FGF7: variants seen among roughly 807,000 people sequenced by gnomAD.
FGF7 encodes fibroblast growth factor 7, also known as FGF-7.
FGF7 carries 6 observed loss-of-function variants against 20.5 expected under a neutral mutation model. The observed-to-expected ratio is 0.29, with a 90% CI of 0.16 to 0.58. The LOEUF (loss-of-function observed/expected upper bound fraction) is 0.58. Ranked by LOEUF, FGF7 falls within the 20% of genes least tolerant of loss-of-function variation. The pLI, the probability that FGF7 is intolerant of heterozygous loss-of-function variation, is 0.90. For missense variants in FGF7, 144 were observed against 228.8 expected, an observed-to-expected ratio of 0.63 and a Z score of 2.39; for synonymous variants, 64 against 74.7, an observed-to-expected ratio of 0.86 and a Z score of 0.74.
intron 2 of FGF7, among the ~76,000 whole-genome samples, chr15:49,463,454 C>T (rs2053983250): frequency 6.6e-6 from 1 of 150,542 alleles, no homozygotes; most frequent in Non-Finnish European, 1.5e-5. Flanking sequence ...CTTGGGAGGC[C>T]GCAGGAGAAT....
intron 2 of FGF7, among the ~76,000 whole-genome samples, chr15:49,467,055 C>G (rs1597382479): frequency 6.6e-6 from 1 of 152,000 alleles, no homozygotes; most frequent in Non-Finnish European, 1.5e-5. Context: ...GCCTGGGTAG[C>G]AGAACATTTA....
At position 49,471,484 on chromosome 15, in the gene FGF7, AAATAATAATAATAAT is replaced by A. The variant is rs201297260; in HGVS notation, c.287-11632_287-11618del. ...AGCTACAGAGTGAGACTCTATCTCAAAATAATAATAATAATAATAATAATAATAATAATAATAATA... is the reference window on the plus strand; with the variant it reads ...AGCTACAGAGTGAGACTCTATCTCAAAATAATAATAATAATAATAATAATA... On this transcript the variant is annotated intron_variant, in intron 2 of 3. Coordinates refer to ENST00000267843, the MANE Select transcript of FGF7 (RefSeq NM_002009.4). Among the ~76,000 whole-genome samples, 413 of 137,850 alleles carry A rather than the reference AAATAATAATAATAAT, an allele frequency of 3.0e-3. 5 individuals are homozygous for A. In the South Asian group the frequency reaches 0.032, roughly 11 times the overall value. 90.4% of individuals were successfully genotyped at this position (137,850 alleles called of 152,430 possible). A position where few individuals can be genotyped will look rare whatever the true frequency, so the allele number is the denominator to read the frequency against.
chr15:49,445,502 C>A (rs760315825), intron 2 of FGF7, among the ~76,000 whole-genome samples: 3 of 151,506 alleles, frequency 2.0e-5, no homozygotes, highest in Non-Finnish European at 3.0e-5. Context: ...AACAAACAGA[C>A]CTTTTGCTTA....
intron 2 of FGF7, among the ~76,000 whole-genome samples, chr15:49,463,740 T>C (rs1343234901): frequency 6.6e-6 from 1 of 152,176 alleles, no homozygotes; most frequent in East Asian, 1.9e-4. Context: ...CTGTCTGATT[T>C]TCTGTTTCAC....
At chr15:49,439,435 G>T (rs1026087504) in intron 2 of FGF7, among the ~76,000 whole-genome samples, 6 of 151,762 alleles carry the variant, frequency 4.0e-5, no homozygotes, top group African/African-American at 1.2e-4. Context: ...AACGTGGGGG[G>T]AGGGAACTAC....
intron 2 of FGF7, among the ~76,000 whole-genome samples, chr15:49,456,706 G>A (rs2053325834): frequency 6.6e-6 from 1 of 151,914 alleles, no homozygotes; most frequent in South Asian, 2.1e-4. Context: ...GTGAATTTCT[G>A]AAAAGAAAAA....
Position 49,424,596 on chromosome 15 carries a change from A to G in FGF7, c.286+13A>G, listed in dbSNP as rs750784831. On this transcript the variant is annotated intron_variant, in intron 2 of 3. Coordinates refer to ENST00000267843, the MANE Select transcript of FGF7 (RefSeq NM_002009.4). ...AAGAATAATTACAGTAAGTAATTTT[A>G]AGTACTGCTCATGAACCTTAGCAAT... is the stretch of plus-strand genomic sequence containing the variant. 3 of 1,550,172 alleles carry G rather than the reference A, an allele frequency of 1.9e-6. No individual in the cohort carries two copies. The highest frequency in any genetic ancestry group is 2.6e-6 in the Non-Finnish European group (3 of 1,145,670).
intron 2 of FGF7, among the ~76,000 whole-genome samples, chr15:49,475,728 T>C (rs57186766): frequency 0.34 from 51,021 of 152,064 alleles, 9,536 homozygotes; most frequent in African/African-American, 0.49. Flanking sequence ...TGGCTTATAC[T>C]TGTAATCCCA....
intron 2 of FGF7, among the ~76,000 whole-genome samples, chr15:49,427,821 C>T (rs1006667562): frequency 4.0e-5 from 6 of 151,680 alleles, no homozygotes; most frequent in South Asian, 2.1e-4. Context: ...GTTTTGGGCT[C>T]GGGTAGATGG....
At chr15:49,465,642 C>T (rs1405770326) in intron 2 of FGF7, among the ~76,000 whole-genome samples, 1 of 151,978 alleles carries the variant, frequency 6.6e-6, no homozygotes, top group African/African-American at 2.4e-5. Flanking sequence ...GGGGTTCTCT[C>T]AACTTTTTTG....
intron 2 of FGF7, among the ~76,000 whole-genome samples, chr15:49,468,434 A>AT (rs1162759196): frequency 2.4e-4 from 37 of 152,034 alleles, no homozygotes; most frequent in Admixed American, 2.4e-3. Context: ...TAGTTTTCTA[A>AT]TTTCTTTTAG....
chr15:49,468,834 C>T (rs2054488517), intron 2 of FGF7, among the ~76,000 whole-genome samples: 1 of 152,096 alleles, frequency 6.6e-6, no homozygotes, highest in Admixed American at 6.5e-5. Flanking sequence ...GGTTTGTCTT[C>T]CGTGTTAAGC....
intron 2 of FGF7, among the ~76,000 whole-genome samples, chr15:49,445,614 T>C (rs1266355022): frequency 6.6e-6 from 1 of 151,570 alleles, no homozygotes; most frequent in Non-Finnish European, 1.5e-5. Context: ...ACACTGTATA[T>C]ATGAAAACAT....
At chr15:49,434,838 T>TA (rs1413153726) in intron 2 of FGF7, among the ~76,000 whole-genome samples, 1 of 151,110 alleles carries the variant, frequency 6.6e-6, no homozygotes, top group African/African-American at 2.4e-5. Flanking sequence ...CAATAATTAA[T>TA]AAAAAACTAA....
chr15:49,483,509 C>T (rs1388779263), intron 3 of FGF7, among the ~76,000 whole-genome samples: 1 of 152,044 alleles, frequency 6.6e-6, no homozygotes, highest in Non-Finnish European at 1.5e-5. Flanking sequence ...ATCCTTCCAG[C>T]TCTAAAATTC....
chr15:49,444,354 G>A (rs1170219547), intron 2 of FGF7, among the ~76,000 whole-genome samples: 4 of 151,506 alleles, frequency 2.6e-5, no homozygotes, highest in East Asian at 1.9e-4. Context: ...GAAAATGCAC[G>A]GAACCAAAGT....
intron 2 of FGF7, among the ~76,000 whole-genome samples, chr15:49,477,371 T>C (rs72729117): frequency 0.11 from 16,261 of 152,226 alleles, 1,236 homozygotes; most frequent in East Asian, 0.36. Context: ...TTGCCACCAC[T>C]GATACTACTG....
At chr15:49,472,785 G>A (rs540428849) in intron 2 of FGF7, among the ~76,000 whole-genome samples, 2 of 152,180 alleles carry the variant, frequency 1.3e-5, no homozygotes, top group South Asian at 2.1e-4. Flanking sequence ...AACTTCAAAT[G>A]GGTAGAAAAA....
intron 2 of FGF7, among the ~76,000 whole-genome samples, chr15:49,428,152 G>T (rs895176899): frequency 6.6e-6 from 1 of 151,812 alleles, no homozygotes; most frequent in African/African-American, 2.4e-5. Flanking sequence ...GACTCTTGAG[G>T]GGACAGAAGC....
Sources: allele counts gnomAD v4.1 joint callset (sites outside exome capture counted in the v4.1 genomes callset), GRCh38; gene constraint gnomAD v4.1.1; transcripts MANE v1.5; gene names NCBI Gene and HGNC (gene_info 2026-07-23, HGNC 2026-07-21).